GOLGA3: variants seen among roughly 807,000 people sequenced by gnomAD.
GOLGA3 encodes the protein golgin subfamily A member 3.
In GOLGA3, 75 loss-of-function variants were observed where a neutral mutation model predicts 169.4. That is an observed-to-expected ratio of 0.44 (90% confidence interval 0.37 to 0.54). The LOEUF (loss-of-function observed/expected upper bound fraction) is 0.54, where lower values mean the gene tolerates loss of function less well. GOLGA3 is among the 20% of genes least tolerant of loss of function. The pLI, the probability that GOLGA3 is intolerant of heterozygous loss-of-function variation, is 0.00. For synonymous variants in GOLGA3, 824 were observed against 822.4 expected (o/e 1.00, Z -0.03); for missense variants, 1,899 against 1,930.0 (o/e 0.98, Z 0.30).
intron 3 of GOLGA3, among the ~76,000 whole-genome samples, chr12:132,815,004 C>A (rs778291866): frequency 3.9e-5 from 6 of 152,226 alleles, no homozygotes; most frequent in Non-Finnish European, 7.3e-5. Flanking sequence ...CATAATCACA[C>A]AGCAACGCTT....
In GOLGA3 at chr12:132,796,282, T is replaced by A. The variant is rs552726833; in HGVS notation, c.2101-62A>T. 11 of 1,510,488 alleles carry A rather than the reference T, an allele frequency of 7.3e-6. No individual in the cohort carries two copies. In the African/African-American group the frequency reaches 1.3e-4, roughly 17 times the overall value. 93.6% of individuals were successfully genotyped at this position (1,510,488 alleles called of 1,614,324 possible). ...CCCTCCTCCGAGAGCGTATGCCCTT[T>A]TCCTGTTCGGGTTTCAAGTAATTTT... is the stretch of plus-strand genomic sequence containing the variant. On this transcript the variant is annotated intron_variant, in intron 10 of 23. Coordinates refer to ENST00000450791, the MANE Select transcript of GOLGA3 (RefSeq NM_001389683.1).
chr12:132,816,742 C>G lies in GOLGA3; in HGVS notation c.204G>C (p.Gln68His). 1 of 1,613,806 alleles carries G rather than the reference C, an allele frequency of 6.2e-7. No homozygotes were observed. Among genetic ancestry groups the G allele is most frequent in the Non-Finnish European group, 8.5e-7 (1 of 1,179,754 alleles). Reference protein sequence around the residue: ...PDGPGQGGLCQNGPTPPFPDP... With the variant: ...PDGPGQGGLCHNGPTPPFPDP... ...CTGGGAAGGGTGGCGTTGGCCCGTT[C>G]TGACAGAGGCCTCCCTGGCCAGGTC... is the stretch of plus-strand genomic sequence containing the variant. The change falls in exon 3 of 24, where the codon CAG (glutamine) becomes CAC (histidine). Residue 68 changes from glutamine (Q) to histidine (H), a missense_variant. Physicochemically the swap from Gln to His is conservative, Grantham distance 24 (BLOSUM62 0). Transcript: ENST00000450791.
rs373313675 is a variant in GOLGA3 at position 132,787,067 on chromosome 12, C to T, written c.2812-280G>A. Reference sequence around the variant, plus strand: ...CTCCCAGGTTCAAGTGATTCTCCTGCCTCAGCCTCCCGAGTGGCTGGGACT... The same window carrying T: ...CTCCCAGGTTCAAGTGATTCTCCTGTCTCAGCCTCCCGAGTGGCTGGGACT... On this transcript the variant is annotated intron_variant, in intron 13 of 23. Transcript: ENST00000450791. 6.8e-4 allele frequency among the ~76,000 whole-genome samples: 103 copies of T among 152,218 alleles called. 1 individual carries two copies. The highest frequency in any genetic ancestry group is 2.3e-3 in the African/African-American group (95 of 41,522).
Position 132,808,496 on chromosome 12 carries a change from G to A in GOLGA3, c.573C>T (p.Leu191=), listed in dbSNP as rs769012583. The A allele has an allele frequency of 6.2e-7, 1 of 1,613,694 alleles. No homozygotes were observed. Reference sequence around the variant, plus strand: ...TTGGTAAGTTTTCTGGGTTTAACATGAGCTCAGGATCAAGCGTGCTAAAAA... The same window carrying A: ...TTGGTAAGTTTTCTGGGTTTAACATAAGCTCAGGATCAAGCGTGCTAAAAA... The part of the protein sequence containing the change: ...TRLFSTLDPE[L]MLNPENLPRA... The change falls in exon 5 of 24, where the codon CTC becomes CTT. Residue 191 remains leucine, a synonymous_variant. Transcript: ENST00000450791.
Position 132,782,272 on chromosome 12 carries a change from C to T in GOLGA3, c.3465+24G>A, listed in dbSNP as rs144068521. Reference sequence around the variant, plus strand: ...CCACCAACTCTCACACCGTTGCTGGCGTGAGTTTGACGAGTTTGAATACCT... The same window carrying T: ...CCACCAACTCTCACACCGTTGCTGGTGTGAGTTTGACGAGTTTGAATACCT... On this transcript the variant is annotated intron_variant, in intron 17 of 23. Coordinates refer to ENST00000450791, the MANE Select transcript of GOLGA3 (RefSeq NM_001389683.1). The T allele has an allele frequency of 1.2e-4, 192 of 1,576,354 alleles. 1 individual carries two copies. The East Asian group carries it at 3.5e-3, about 28-fold the overall frequency.
At position 132,783,858 on chromosome 12, in the gene GOLGA3, G is replaced by C. The variant is rs969478974; in HGVS notation, c.3267+306C>G. 1.8e-5 allele frequency: 25 copies of C among 1,411,554 alleles called. No individual in the cohort carries two copies. The African/African-American group carries it at 3.5e-4, about 20-fold the overall frequency. 87.4% of individuals were successfully genotyped at this position (1,411,554 alleles called of 1,614,324 possible). A position where few individuals can be genotyped will look rare whatever the true frequency, so the allele number is the denominator to read the frequency against. On this transcript the variant is annotated intron_variant, in intron 16 of 23. Coordinates refer to ENST00000450791, the MANE Select transcript of GOLGA3 (RefSeq NM_001389683.1). ...CCCAAAGTGCTGGGATTACAGGCATGAGCCACTCGCCTGGCGAAGTTGGGT... is the reference window on the plus strand; with the variant it reads ...CCCAAAGTGCTGGGATTACAGGCATCAGCCACTCGCCTGGCGAAGTTGGGT...
chr12:132,777,887 A>T lies in GOLGA3; in HGVS notation c.3583-82T>A, dbSNP rs964884308. The T allele has an allele frequency of 7.6e-6, 11 of 1,449,490 alleles. No individual in the cohort carries two copies. The Admixed American group carries it at 2.1e-4, about 28-fold the overall frequency. The allele number at this position is 1,449,490 out of a possible 1,614,324, so 89.8% of individuals were successfully genotyped here. On this transcript the variant is annotated intron_variant, in intron 18 of 23. Transcript: ENST00000450791. This position sits in a 1 kb window ranked among gnomAD's most constrained non-coding sequence, Gnocchi z 4.7. ...CGTGCCGGGCGCAGGGGGTGAATGC[A>T]CTCCCGGCCCCGTGCATGTCCTGGC...
At chr12:132,812,746 T>C (rs1419654091) in intron 4 of GOLGA3, among the ~76,000 whole-genome samples, 1 of 152,204 alleles carries the variant, frequency 6.6e-6, no homozygotes, top group African/African-American at 2.4e-5. Flanking sequence ...TAGCACCGCA[T>C]GTTACAGAGA....
chr12:132,821,634 C>CA (rs201149344), intron 2 of GOLGA3, among the ~76,000 whole-genome samples: 1,561 of 151,974 alleles, frequency 0.01, 16 homozygotes, highest in Non-Finnish European at 0.016. Context: ...GCGGGCGGAT[C>CA]ACGAAGTCAG....
chr12:132,827,389 T>TA (rs1200753668), intron 1 of GOLGA3, among the ~76,000 whole-genome samples: 3 of 152,214 alleles, frequency 2.0e-5, no homozygotes, highest in Non-Finnish European at 4.4e-5. Context: ...CTCCACCACT[T>TA]ACCTGTGAGA....
chr12:132,812,104 C>T (rs1949744655), intron 4 of GOLGA3, among the ~76,000 whole-genome samples: 1 of 148,636 alleles, frequency 6.7e-6, no homozygotes, highest in Admixed American at 6.8e-5. Flanking sequence ...TGGAGAATTG[C>T]TTGAACTAGG....
At chr12:132,782,006 C>T (rs1427667820) in intron 17 of GOLGA3, among the ~76,000 whole-genome samples, 1 of 152,176 alleles carries the variant, frequency 6.6e-6, no homozygotes, top group East Asian at 1.9e-4. Context: ...CACGCAGGGG[C>T]TCCAGCCTCA....
At chr12:132,782,633 T>A (rs1016836107) in intron 16 of GOLGA3, 140 bp from the exon 17 acceptor site, 5 of 689,644 alleles carry the variant, frequency 7.3e-6, no homozygotes, top group Non-Finnish European at 1.3e-5. Flanking sequence ...TCACAGCACA[T>A]TGGGAGGCCG....
intron 1 of GOLGA3, chr12:132,827,484 G>A (rs899163689): frequency 1.3e-5 from 2 of 152,134 alleles, no homozygotes; most frequent in African/African-American, 4.8e-5. Flanking sequence ...ATTTTGCCAG[G>A]ATTAAATATA....
intron 11 of GOLGA3, among the ~76,000 whole-genome samples, chr12:132,792,565 C>T (rs1948583601): frequency 6.6e-6 from 1 of 152,188 alleles, no homozygotes; most frequent in Non-Finnish European, 1.5e-5. Context: ...CACAGACCCA[C>T]CGCACAGGAC....
chr12:132,782,423 T>G lies in GOLGA3; in HGVS notation c.3338A>C (p.Glu1113Ala). The G allele has an allele frequency of 6.2e-7, 1 of 1,613,822 alleles. No individual in the cohort carries two copies. Among genetic ancestry groups the G allele is most frequent in the Non-Finnish European group, 8.5e-7 (1 of 1,179,666 alleles). The change falls in exon 17 of 24, where the codon GAA (glutamate) becomes GCA (alanine). Residue 1113 changes from glutamate to alanine, a missense_variant. By Grantham distance (107) the Glu-to-Ala change is moderately radical. Transcript: ENST00000450791. Reference protein sequence around the residue: ...LEESNKKLALELEHEKGKLTG... With the variant: ...LEESNKKLALALEHEKGKLTG... Reference sequence around the variant, plus strand: ...AAGCTTCCCTTTCTCGTGCTCTAATTCAAGAGCCAACTTCTTGTTTGACTC... The same window carrying G: ...AAGCTTCCCTTTCTCGTGCTCTAATGCAAGAGCCAACTTCTTGTTTGACTC...
At chr12:132,784,785 CACATGT>C (rs1204380246) in intron 15 of GOLGA3, among the ~76,000 whole-genome samples, 1 of 132,242 alleles carries the variant, frequency 7.6e-6, no homozygotes, top group East Asian at 2.7e-4. Context: ...ACCACACATG[CACATGT>C]GCTCACACCT....
At chr12:132,810,370 T>C (rs1026041449) in intron 4 of GOLGA3, among the ~76,000 whole-genome samples, 24 of 152,162 alleles carry the variant, frequency 1.6e-4, no homozygotes, top group African/African-American at 2.2e-4. Flanking sequence ...GCCACCCAGG[T>C]GCCGAGGCAA....
rs778602830 is a variant in GOLGA3, at chr12:132,786,644, G to A, written c.2906+49C>T. 52 of 285,174 alleles carry A rather than the reference G, an allele frequency of 1.8e-4. 1 individual carries two copies. The South Asian group carries it at 2.3e-3, about 13-fold the overall frequency. 17.7% of individuals were successfully genotyped at this position (285,174 alleles called of 1,614,324 possible). A position where few individuals can be genotyped will look rare whatever the true frequency, so the allele number is the denominator to read the frequency against. ...CTGGTTCGCCTCCCCCCCGGCCCCC[G>A]CACCTCCCACCTGGCCCCCGCACCT... On this transcript the variant is annotated intron_variant, in intron 14 of 23. Transcript: ENST00000450791.
Sources: gnomAD v4.1 joint callset for allele counts (sites outside exome capture counted in the v4.1 genomes callset) on GRCh38, gnomAD v4.1.1 for gene constraint, Gnocchi (gnomAD v3.1) non-coding constraint, MANE v1.5 for transcripts, NCBI Gene and HGNC (gene_info 2026-07-23, HGNC 2026-07-21) for gene names.